DNAH12: variants seen among roughly 807,000 people sequenced by gnomAD.
The protein encoded by DNAH12 is dynein axonemal heavy chain 12, also known as axonemal beta dynein heavy chain 12.
Under a neutral mutation model 371.5 loss-of-function variants are expected in DNAH12, and 285 were observed. That is an observed-to-expected ratio of 0.77 (90% confidence interval 0.70 to 0.85). The LOEUF (loss-of-function observed/expected upper bound fraction) is 0.85, where lower values mean the gene tolerates loss of function less well. DNAH12 is among the 40% of genes least tolerant of loss of function. The pLI is 0.00. For missense variants in DNAH12, 3,611 were observed against 3,689.4 expected, an observed-to-expected ratio of 0.98 and a Z score of 0.55; for synonymous variants, 1,200 against 1,213.0, an observed-to-expected ratio of 0.99 and a Z score of 0.22.
chr3:57,454,706 A>C lies in DNAH12; in HGVS notation c.3456+69T>G. 3 of 1,523,766 alleles carry C rather than the reference A, an allele frequency of 2.0e-6. No individual in the cohort carries two copies. The South Asian group carries it at 3.7e-5, about 19-fold the overall frequency. 94.4% of individuals were successfully genotyped at this position (1,523,766 alleles called of 1,614,324 possible). ...GTAGCATAGCAAGATCTCATTTCTA[A>C]AAATAATAAAATTAAATTTTAAAAA... is the stretch of plus-strand genomic sequence containing the variant. On this transcript the variant is annotated intron_variant, in intron 23 of 73. Transcript: ENST00000495027.
chr3:57,432,946 C>T (rs2064998927), intron 32 of DNAH12, among the ~76,000 whole-genome samples: 1 of 152,122 alleles, frequency 6.6e-6, no homozygotes, highest in African/African-American at 2.4e-5. Context: ...AATACTTTCA[C>T]TTTCTAGTTC....
intron 51 of DNAH12, among the ~76,000 whole-genome samples, chr3:57,379,635 G>T (rs2063345699): frequency 6.6e-6 from 1 of 152,000 alleles, no homozygotes; most frequent in Non-Finnish European, 1.5e-5. Flanking sequence ...GAGACCAGGA[G>T]TTCGAGGACA....
chr3:57,348,112 C>A (rs1433746876), intron 60 of DNAH12, among the ~76,000 whole-genome samples: 1 of 152,128 alleles, frequency 6.6e-6, no homozygotes, highest in Non-Finnish European at 1.5e-5. Context: ...TTAGAAGCAA[C>A]TAAGATGTCC....
At chr3:57,447,751 T>G (rs2065563460) in intron 25 of DNAH12, among the ~76,000 whole-genome samples, 1 of 152,110 alleles carries the variant, frequency 6.6e-6, no homozygotes, top group Non-Finnish European at 1.5e-5. Flanking sequence ...CTTGACTAGG[T>G]GCCCCTCTGC....
intron 14 of DNAH12, 48 bp from the exon 15 acceptor site, chr3:57,471,654 T>C (rs1575648345): frequency 6.9e-7 from 1 of 1,449,152 alleles, no homozygotes. Flanking sequence ...TAACAAAGAA[T>C]TATCAAGTCA....
At chr3:57,487,334 G>GGAGC (rs1465707173) in intron 12 of DNAH12, among the ~76,000 whole-genome samples, 125 of 112,600 alleles carry the variant, frequency 1.1e-3, no homozygotes, top group African/African-American at 4.2e-3. Flanking sequence ...AGGGAGGGAG[G>GGAGC]GAGGGAGGGA....
intron 34 of DNAH12, among the ~76,000 whole-genome samples, chr3:57,426,906 A>C (rs560310263): frequency 6.6e-6 from 1 of 152,142 alleles, no homozygotes; most frequent in South Asian, 2.1e-4. Context: ...ATTATGTGGA[A>C]AGGTGAAGCC....
At chr3:57,390,424 A>AAAAAAAAAAAAAATATATATATAT in intron 45 of DNAH12, among the ~76,000 whole-genome samples, 1 of 33,436 alleles carries the variant, frequency 3.0e-5, no homozygotes, top group Non-Finnish European at 7.0e-5. Context: ...AAAAAAAAAA[A>AAAAAAAAAAAAAATATATATATAT]ATATATATAT....
intron 62 of DNAH12, among the ~76,000 whole-genome samples, chr3:57,332,796 C>T (rs2062130545): frequency 6.6e-6 from 1 of 152,120 alleles, no homozygotes; most frequent in Non-Finnish European, 1.5e-5. Context: ...GGAGCTACCA[C>T]TGTTCATGAA....
intron 37 of DNAH12, among the ~76,000 whole-genome samples, chr3:57,417,456 CATTAGCTCTATGAAA>C (rs1287868646): frequency 4.6e-5 from 7 of 152,116 alleles, no homozygotes; most frequent in Non-Finnish European, 7.4e-5. Context: ...GTCTGAGTAA[CATTAGCTCTATGAAA>C]ATTTATTAAA....
chr3:57,382,462 T>G (rs1435207738), intron 49 of DNAH12, 69 bp from the exon 50 acceptor site: 1 of 151,790 alleles, frequency 6.6e-6, no homozygotes, highest in African/African-American at 2.4e-5. Context: ...ATGAAAAATT[T>G]TAAAGTAATG....
chr3:57,366,432 G>A lies in DNAH12; in HGVS notation c.9167+297C>T, dbSNP rs1451722968. On this transcript the variant is annotated intron_variant, in intron 57 of 73. Coordinates refer to ENST00000495027, the MANE Select transcript of DNAH12 (RefSeq NM_001366028.2). ...TGCTTTCATTATACTCTGTGGACTC[G>A]CCCTGAATTCTTTCTTGCATGAGAT... Among the ~76,000 whole-genome samples, 5 of 151,884 alleles carry A rather than the reference G, an allele frequency of 3.3e-5. No individual in the cohort carries two copies. In the East Asian group the frequency reaches 5.8e-4, roughly 18 times the overall value.
chr3:57,504,254 A>G, intron 8 of DNAH12, 50 bp from the exon 9 acceptor site: 2 of 1,499,908 alleles, frequency 1.3e-6, no homozygotes, highest in South Asian at 1.2e-5. Context: ...TTCAACCTTT[A>G]ACTAAAATCA....
At chr3:57,351,303 A>T (rs1553660137) in intron 60 of DNAH12, among the ~76,000 whole-genome samples, 1 of 150,142 alleles carries the variant, frequency 6.7e-6, no homozygotes, top group East Asian at 2.0e-4. Context: ...AAAAACCAAC[A>T]AAAATAAAAC....
rs187530944 is a variant in DNAH12, at chr3:57,349,291, C to G, written c.9674+2794G>C. 1.2e-3 allele frequency among the ~76,000 whole-genome samples: 176 copies of G among 152,286 alleles called. 2 individuals carry two copies. The highest frequency in any genetic ancestry group is 3.6e-3 in the African/African-American group (150 of 41,566). On this transcript the variant is annotated intron_variant, in intron 60 of 73. Transcript: ENST00000495027. ...ACCACAACATGATACCACCTCACTC[C>G]CGCAGGAATGGCCACACACAAAAAA...
rs1326237791 is a variant in DNAH12, at chr3:57,389,839, T to TATATATATATATAA, written c.7305+2032_7305+2033insTTATATATATATAT. On this transcript the variant is annotated intron_variant, in intron 45 of 73. Transcript: ENST00000495027. ...GTGTGTGTGTATATATATATATATATAATACTTTTTTTTTTGAAATGGAGT... is the reference window on the plus strand; with the variant it reads ...GTGTGTGTGTATATATATATATATATATATATATATATAAAATACTTTTTTTTTTGAAATGGAGT... Among the ~76,000 whole-genome samples, 33 of 84,878 alleles carry TATATATATATATAA rather than the reference T, an allele frequency of 3.9e-4. 3 individuals are homozygous for TATATATATATATAA. Among genetic ancestry groups the TATATATATATATAA allele is most frequent in the East Asian group, 7.5e-4 (1 of 1,336 alleles). The allele number at this position is 84,878 out of a possible 152,430, so 55.7% of individuals were successfully genotyped here.
chr3:57,296,931 G>C lies in DNAH12; in HGVS notation c.11448C>G (p.Phe3816Leu). 6.4e-7 allele frequency: 1 copy of C among 1,551,586 alleles called. No homozygotes were observed. The highest frequency in any genetic ancestry group is 8.7e-7 in the Non-Finnish European group (1 of 1,146,972). The change falls in exon 71 of 74, where the codon TTC (phenylalanine) becomes TTG (leucine). Residue 3816 changes from phenylalanine (F) to leucine (L), a missense_variant. By Grantham distance (22) the Phe-to-Leu change is conservative. This residue lies in a region of DNAH12 where 2,266 missense variants were observed against 2,236.9 expected (regional missense o/e 1.01). Coordinates refer to ENST00000495027, the MANE Select transcript of DNAH12 (RefSeq NM_001366028.2). ...TAGCTCCAGTTAAAAAGGCCTGAGT[G>C]AAAAAGAAACCTGACAGCCAAAACA... ...PCVFWLSGFFFTQAFLTGAMQ... is the reference protein window; with the variant it reads ...PCVFWLSGFFLTQAFLTGAMQ...
intron 65 of DNAH12, among the ~76,000 whole-genome samples, chr3:57,320,227 C>T (rs2061775294): frequency 1.3e-5 from 2 of 152,134 alleles, no homozygotes; most frequent in Admixed American, 1.3e-4. Flanking sequence ...AAAATGTCAG[C>T]TCCATAAAGA....
chr3:57,528,325 G>A (rs2068721207), intron 2 of DNAH12, among the ~76,000 whole-genome samples: 2 of 151,780 alleles, frequency 1.3e-5, no homozygotes, highest in Admixed American at 1.3e-4. Context: ...ACTGCACCCG[G>A]CCTAGGATTG....
Sources: allele counts gnomAD v4.1 joint callset (sites outside exome capture counted in the v4.1 genomes callset), GRCh38; gene constraint gnomAD v4.1.1; regional missense constraint gnomAD v4.1.1; transcripts MANE v1.5; gene names NCBI Gene and HGNC (gene_info 2026-07-23, HGNC 2026-07-21).